Variants in PPP2R2B observed in about 807,000 individuals in gnomAD.
The protein encoded by PPP2R2B is protein phosphatase 2 regulatory subunit Bbeta.
In PPP2R2B, 5 loss-of-function variants were observed where a neutral mutation model predicts 46.0. The observed-to-expected ratio is 0.11, with a 90% CI of 0.06 to 0.23. PPP2R2B has a LOEUF of 0.23. Among genes scored for constraint, PPP2R2B ranks in the 10% least tolerant of loss-of-function variants. The pLI, the probability that PPP2R2B is intolerant of heterozygous loss-of-function variation, is 1.00. For synonymous variants in PPP2R2B, 215 were observed against 206.7 expected (o/e 1.04, Z -0.34); for missense variants, 367 against 575.0 (o/e 0.64, Z 3.70).
chr5:146,629,831 T>C (rs528756672), intron 7 of PPP2R2B, among the ~76,000 whole-genome samples: 10 of 150,536 alleles, frequency 6.6e-5, no homozygotes, highest in African/African-American at 2.2e-4. Context: ...CCCTCTCCCT[T>C]GCCCTCTCGT....
At chr5:146,881,557 A>G (rs1430964569), upstream of PPP2R2B, among the ~76,000 whole-genome samples, 1 of 152,046 alleles carries the variant, frequency 6.6e-6, no homozygotes, top group African/African-American at 2.4e-5. Flanking sequence ...GGACTAAGAC[A>G]TGGACCACCA....
intron 1 of PPP2R2B, among the ~76,000 whole-genome samples, chr5:146,949,139 C>T (rs896623210): frequency 5.3e-5 from 8 of 151,984 alleles, no homozygotes; most frequent in Non-Finnish European, 8.8e-5. Context: ...TAGGAGTTTG[C>T]TAACATTTGA....
In PPP2R2B at chr5:146,650,021, C is replaced by T. The variant is rs1775851892; in HGVS notation, c.625+526G>A. On this transcript the variant is annotated intron_variant, in intron 6 of 9. Transcript: ENST00000394411. ...TATGTATACTATACATTTCATCAAA[C>T]TGTACAATTATAATATGTACTTTTC... 2.0e-5 allele frequency among the ~76,000 whole-genome samples: 3 copies of T among 152,126 alleles called. No homozygotes were observed. In the South Asian group the frequency reaches 6.2e-4, roughly 32 times the overall value.
chr5:147,062,294 G>A (rs1456800278), intron 2 of PPP2R2B, among the ~76,000 whole-genome samples: 1 of 152,118 alleles, frequency 6.6e-6, no homozygotes, highest in Non-Finnish European at 1.5e-5. Context: ...TGACAAAATT[G>A]CCTAATATTA....
Position 146,908,483 on chromosome 5 carries a change from T to C in PPP2R2B, c.79+147182A>G, listed in dbSNP as rs80003520. Among the ~76,000 whole-genome samples the C allele has an allele frequency of 6.4e-3, 974 of 152,192 alleles. 11 individuals are homozygous for C. Among genetic ancestry groups the C allele is most frequent in the African/African-American group, 0.022 (929 of 41,526 alleles). On this transcript the variant is annotated intron_variant, in intron 1 of 8. Transcript: ENST00000336640. ...TAAATTTTTTGAACATACATATGTATACAGCTGTTTGGGCCTAGCTACGTA... is the reference window on the plus strand; with the variant it reads ...TAAATTTTTTGAACATACATATGTACACAGCTGTTTGGGCCTAGCTACGTA...
chr5:146,604,532 G>A (rs1157836134), intron 7 of PPP2R2B, among the ~76,000 whole-genome samples: 1 of 152,182 alleles, frequency 6.6e-6, no homozygotes, highest in Non-Finnish European at 1.5e-5. Flanking sequence ...CAGTCTTGGT[G>A]AGAAACCTGA....
intron 2 of PPP2R2B, among the ~76,000 whole-genome samples, chr5:146,790,411 C>T (rs896017192): frequency 2.0e-5 from 3 of 152,164 alleles, no homozygotes; most frequent in African/African-American, 7.2e-5. Context: ...CTGATTTTCA[C>T]ACTTCATTAG....
At chr5:146,983,336 A>G (rs1326768228) in intron 1 of PPP2R2B, among the ~76,000 whole-genome samples, 6 of 151,568 alleles carry the variant, frequency 4.0e-5, no homozygotes, top group Non-Finnish European at 7.4e-5. Context: ...GTCCGCCACC[A>G]CGCCCGGCTA....
At chr5:146,960,889 A>G (rs898595031) in intron 1 of PPP2R2B, among the ~76,000 whole-genome samples, 1 of 152,306 alleles carries the variant, frequency 6.6e-6, no homozygotes, top group African/African-American at 2.4e-5. Flanking sequence ...TTTAATTTAT[A>G]TGATTTATAA....
At chr5:146,880,343 G>A (rs187057132), upstream of PPP2R2B, among the ~76,000 whole-genome samples, 1 of 152,094 alleles carries the variant, frequency 6.6e-6, no homozygotes, top group Non-Finnish European at 1.5e-5. Flanking sequence ...AGGTGAAGAC[G>A]GGTACAAGTT....
chr5:146,647,412 G>C (rs1004819292), intron 6 of PPP2R2B, among the ~76,000 whole-genome samples: 1 of 152,206 alleles, frequency 6.6e-6, no homozygotes, highest in East Asian at 1.9e-4. Flanking sequence ...TCCTACCCCA[G>C]AGGTGGCTAT....
chr5:146,796,999 T>C (rs868709800), intron 2 of PPP2R2B, among the ~76,000 whole-genome samples: 1 of 152,332 alleles, frequency 6.6e-6, no homozygotes, highest in South Asian at 2.1e-4. Flanking sequence ...GTGGAAGTAG[T>C]AAATCAGCTA....
chr5:146,879,434 G>C (rs1561983050), upstream of PPP2R2B, among the ~76,000 whole-genome samples: 3 of 152,190 alleles, frequency 2.0e-5, no homozygotes, highest in Non-Finnish European at 4.4e-5. Context: ...CTTGCAGTTT[G>C]CACTTCGTTT....
At chr5:147,079,752 A>G (rs1038503258) in intron 2 of PPP2R2B, among the ~76,000 whole-genome samples, 1 of 152,040 alleles carries the variant, frequency 6.6e-6, no homozygotes, top group African/African-American at 2.4e-5. Flanking sequence ...TCTGAGGAAT[A>G]AGTTTTGTTC....
chr5:146,667,665 T>C lies in PPP2R2B; in HGVS notation c.448-16941A>G, dbSNP rs141924617. Among the ~76,000 whole-genome samples the C allele has an allele frequency of 4.2e-3, 645 of 152,244 alleles. 6 individuals carry two copies. The highest frequency in any genetic ancestry group is 0.015 in the African/African-American group (624 of 41,550). Reference sequence around the variant, plus strand: ...GAGCATATGAAATAGAACAGGGACTTGGCAAGCTGTTAGGAACCTCGAAAA... The same window carrying C: ...GAGCATATGAAATAGAACAGGGACTCGGCAAGCTGTTAGGAACCTCGAAAA... On this transcript the variant is annotated intron_variant, in intron 5 of 9. Coordinates refer to ENST00000394411, the MANE Select transcript of PPP2R2B (RefSeq NM_181675.4).
At chr5:147,055,582 G>T (rs1757045235) in intron 1 of PPP2R2B, 3 of 1,214,216 alleles carry the variant, frequency 2.5e-6, no homozygotes, top group Non-Finnish European at 3.6e-6. Flanking sequence ...GCTACAGAAA[G>T]CAGCATCAGC....
chr5:146,685,181 A>G (rs978315590), intron 5 of PPP2R2B, among the ~76,000 whole-genome samples: 3 of 150,880 alleles, frequency 2.0e-5, no homozygotes, highest in Non-Finnish European at 4.4e-5. Context: ...GTGCCATGCC[A>G]TAAATAGTCC....
chr5:146,626,435 A>G (rs1029271746), intron 7 of PPP2R2B, among the ~76,000 whole-genome samples: 6 of 152,244 alleles, frequency 3.9e-5, no homozygotes, highest in African/African-American at 1.4e-4. Flanking sequence ...AAGTTGCAAC[A>G]TATTTATAAA....
At position 146,776,821 on chromosome 5, in the gene PPP2R2B, T is replaced by TA. The variant is rs1374858730; in HGVS notation, c.71-75680dup. Among the ~76,000 whole-genome samples, 9 of 151,700 alleles carry TA rather than the reference T, an allele frequency of 5.9e-5. No individual in the cohort carries two copies. In the South Asian group the frequency reaches 6.2e-4, roughly 10 times the overall value. On this transcript the variant is annotated intron_variant, in intron 2 of 9. Coordinates refer to ENST00000394411, the MANE Select transcript of PPP2R2B (RefSeq NM_181675.4). ...GCAACAAAAAGACAAACAACCCAAA[T>TA]AAAAAATGGGCAAAGGAATTGAATA... is the stretch of plus-strand genomic sequence containing the variant.
Sources: gnomAD v4.1 joint callset for allele counts (sites outside exome capture counted in the v4.1 genomes callset) on GRCh38, gnomAD v4.1.1 for gene constraint, MANE v1.5 for transcripts, NCBI Gene and HGNC (gene_info 2026-07-23, HGNC 2026-07-21) for gene names.